The following GFOD2 variants were observed in gnomAD, a reference collection of about 807,000 sequenced individuals.
The protein encoded by GFOD2 is glucose-fructose oxidoreductase domain-containing protein 2.
Under a neutral mutation model 24.6 loss-of-function variants are expected in GFOD2, and 9 were observed. The ratio of observed to expected loss-of-function variants is 0.37; its 90% confidence interval spans 0.22 to 0.64. The LOEUF is 0.64. Among genes scored for constraint, GFOD2 ranks in the 30% least tolerant of loss-of-function variants. GFOD2 has a pLI of 0.65. For missense variants in GFOD2, 476 were observed against 532.5 expected (o/e 0.89, Z 1.04); for synonymous variants, 211 against 224.8 (o/e 0.94, Z 0.55).
At chr16:67,681,065 T>C (rs2053221733) in intron 2 of GFOD2, 2 of 985,330 alleles carry the variant, frequency 2.0e-6, no homozygotes, top group African/African-American at 3.5e-5. Flanking sequence ...TTCTCCACAC[T>C]TGTGGGCCTT....
chr16:67,683,964 T>G, intron 2 of GFOD2: 1 of 967,472 alleles, frequency 1.0e-6, no homozygotes, highest in Non-Finnish European at 1.2e-6. Context: ...GTGTTATTTC[T>G]AGTTGCCTCA....
intron 1 of GFOD2, 86 bp from the exon 2 acceptor site, chr16:67,685,888 C>T: frequency 1.4e-6 from 1 of 731,412 alleles, no homozygotes; most frequent in Non-Finnish European, 2.2e-6. Flanking sequence ...TGGAGTCTCG[C>T]TCTGTTGCCC....
intron 1 of GFOD2, among the ~76,000 whole-genome samples, chr16:67,702,440 C>T (rs1218857926): frequency 1.3e-5 from 2 of 151,522 alleles, no homozygotes; most frequent in African/African-American, 4.9e-5. Context: ...TGTCACTGCA[C>T]TCCAGCCTGG....
intron 2 of GFOD2, among the ~76,000 whole-genome samples, chr16:67,678,198 TG>T (rs1451951663): frequency 6.6e-6 from 1 of 152,124 alleles, no homozygotes; most frequent in Non-Finnish European, 1.5e-5. Context: ...ATGTCTTGGC[TG>T]GGCATGGTGG....
chr16:67,686,090 C>T (rs1028229677), intron 1 of GFOD2, among the ~76,000 whole-genome samples: 10 of 151,814 alleles, frequency 6.6e-5, no homozygotes, highest in East Asian at 1.9e-4. Context: ...CTGGGCAACA[C>T]GGCGAGATGT....
intron 2 of GFOD2, among the ~76,000 whole-genome samples, chr16:67,678,894 G>A (rs752831451): frequency 1.3e-5 from 2 of 151,960 alleles, no homozygotes; most frequent in East Asian, 1.9e-4. Context: ...TTGGCTGGGC[G>A]TGGTGGCTCA....
At chr16:67,709,512 G>A (rs1205166486) in intron 1 of GFOD2, among the ~76,000 whole-genome samples, 1 of 152,116 alleles carries the variant, frequency 6.6e-6, no homozygotes, top group Admixed American at 6.6e-5. Context: ...AGTCTAGGAG[G>A]AGAGATAAGA....
intron 1 of GFOD2, among the ~76,000 whole-genome samples, chr16:67,699,193 T>A (rs1276205575): frequency 6.6e-6 from 1 of 151,688 alleles, no homozygotes; most frequent in Non-Finnish European, 1.5e-5. Flanking sequence ...ATACAAAAAA[T>A]TAGCCAGACG....
At chr16:67,697,601 C>A (rs1278358998) in intron 1 of GFOD2, among the ~76,000 whole-genome samples, 2 of 152,274 alleles carry the variant, frequency 1.3e-5, no homozygotes, top group Non-Finnish European at 2.9e-5. Flanking sequence ...CAGCATGAAA[C>A]CTTGAGCAGG....
chr16:67,687,175 G>C (rs1277240237), intron 1 of GFOD2, among the ~76,000 whole-genome samples: 1 of 146,656 alleles, frequency 6.8e-6, no homozygotes, highest in Admixed American at 6.8e-5. Context: ...AAAAGAAAAA[G>C]AAGAATGGAA....
intron 1 of GFOD2, among the ~76,000 whole-genome samples, chr16:67,686,326 ATCT>A (rs756270463): frequency 6.6e-6 from 1 of 152,096 alleles, no homozygotes; most frequent in Non-Finnish European, 1.5e-5. Flanking sequence ...ACACTGCAGA[ATCT>A]TCTTCTTCCA....
At chr16:67,706,125 T>G (rs189364489) in intron 1 of GFOD2, among the ~76,000 whole-genome samples, 20 of 151,798 alleles carry the variant, frequency 1.3e-4, no homozygotes, top group Admixed American at 5.3e-4. Flanking sequence ...TACAGACGCG[T>G]GCCACCACGC....
intron 1 of GFOD2, among the ~76,000 whole-genome samples, chr16:67,695,009 TTG>T (rs2053347982): frequency 7.2e-6 from 1 of 138,832 alleles, no homozygotes. Flanking sequence ...TTTTTTTTTT[TTG>T]AGACGGAGTC....
chr16:67,676,244 AT>A (rs1408633015), intron 2 of GFOD2, 191 bp from the exon 3 acceptor site: 1 of 613,702 alleles, frequency 1.6e-6, no homozygotes, highest in African/African-American at 1.9e-5. Context: ...GCGATCCTCC[AT>A]CTTGGCCTCC....
chr16:67,704,346 C>G (rs1029242191), intron 1 of GFOD2, among the ~76,000 whole-genome samples: 13 of 152,180 alleles, frequency 8.5e-5, no homozygotes, highest in Admixed American at 2.0e-4. Flanking sequence ...GTAAACATTA[C>G]GTGCCCCGTG....
chr16:67,712,120 A>G (rs888624517), intron 1 of GFOD2, among the ~76,000 whole-genome samples: 12 of 152,238 alleles, frequency 7.9e-5, no homozygotes, highest in African/African-American at 2.7e-4. Context: ...GAAAGATTTC[A>G]GACCTAGTTC....
intron 2 of GFOD2, chr16:67,683,174 T>A: frequency 1.3e-5 from 13 of 988,864 alleles, no homozygotes; most frequent in Non-Finnish European, 1.6e-5. Flanking sequence ...GTTGCCCAGC[T>A]GAGAATTCAG....
At chr16:67,686,258 T>C (rs1263536628) in intron 1 of GFOD2, among the ~76,000 whole-genome samples, 1 of 152,194 alleles carries the variant, frequency 6.6e-6, no homozygotes, top group East Asian at 1.9e-4. Flanking sequence ...CACTCCAGCC[T>C]GGGCAACAGT....
At chr16:67,688,001 A>G (rs193002946) in intron 1 of GFOD2, among the ~76,000 whole-genome samples, 4 of 152,242 alleles carry the variant, frequency 2.6e-5, no homozygotes, top group Admixed American at 2.6e-4. Context: ...GTTTTTTTGT[A>G]TACAGATATT....
Sources: gnomAD v4.1 joint callset for allele counts (sites outside exome capture counted in the v4.1 genomes callset) on GRCh38, gnomAD v4.1.1 for gene constraint, MANE v1.5 for transcripts, NCBI Gene and HGNC (gene_info 2026-07-23, HGNC 2026-07-21) for gene names.